The following LRRK1 variants were observed in gnomAD, a reference collection of about 807,000 sequenced individuals.
LRRK1 encodes leucine rich repeat kinase 1, also known as leucine-rich repeat serine/threonine-protein kinase 1.
A neutral mutation model predicts 209.1 loss-of-function variants in LRRK1; 113 were observed. The ratio of observed to expected loss-of-function variants is 0.54; its 90% CI spans 0.46 to 0.63. The LOEUF (loss-of-function observed/expected upper bound fraction) is 0.63, where lower values mean the gene tolerates loss of function less well. Ranked by LOEUF, LRRK1 falls within the 30% of genes least tolerant of loss-of-function variation. The pLI is 0.00. For synonymous variants in LRRK1, 1,144 were observed against 1,099.7 expected, an observed-to-expected ratio of 1.04 and a Z score of -0.80; for missense variants, 2,284 against 2,632.2, an observed-to-expected ratio of 0.87 and a Z score of 2.89.
At chr15:100,942,182 G>A (rs988779669) in intron 2 of LRRK1, among the ~76,000 whole-genome samples, 1 of 152,194 alleles carries the variant, frequency 6.6e-6, no homozygotes, top group Non-Finnish European at 1.5e-5. Context: ...GAAATACTGA[G>A]TGAGAATGTC....
chr15:101,060,038 G>T (rs1377028113), intron 29 of LRRK1, among the ~76,000 whole-genome samples: 10 of 152,238 alleles, frequency 6.6e-5, no homozygotes, highest in Non-Finnish European at 1.2e-4. Context: ...ACTCATCCCA[G>T]AGGGAAGACA....
intron 2 of LRRK1, among the ~76,000 whole-genome samples, chr15:100,961,525 T>C (rs8035248): frequency 0.27 from 40,888 of 151,730 alleles, 5,732 homozygotes; most frequent in East Asian, 0.51. Context: ...TGGTGGTGCG[T>C]GCCTGTAATC....
intron 2 of LRRK1, among the ~76,000 whole-genome samples, chr15:100,937,164 G>A (rs565231237): frequency 3.3e-5 from 5 of 152,154 alleles, no homozygotes; most frequent in Admixed American, 1.3e-4. Flanking sequence ...CTAGATTTTC[G>A]AATATTTTAG....
At position 100,973,946 on chromosome 15, in the gene LRRK1, G is replaced by C; in HGVS notation, c.240G>C (p.Gln80His). Residue 80 changes from glutamine (Q) to histidine (H), a missense_variant, in exon 3 of 34, where the codon CAG becomes CAC. Physicochemically the swap from Gln to His is conservative, Grantham distance 24. Coordinates refer to ENST00000388948, the MANE Select transcript of LRRK1 (RefSeq NM_024652.6). Reference sequence around the variant, plus strand: ...ACCTGCTGGAGGAGGCCTGCGACCAGTGCGCGTCCCAGCTGGAAAAGGTAG... The same window carrying C: ...ACCTGCTGGAGGAGGCCTGCGACCACTGCGCGTCCCAGCTGGAAAAGGTAG... ...ARDLLEEACD[Q>H]CASQLEKGQL... The C allele has an allele frequency of 8.0e-7, 1 of 1,252,660 alleles. No individual in the cohort carries two copies. Among genetic ancestry groups the C allele is most frequent in the Non-Finnish European group, 1.0e-6 (1 of 993,030 alleles). 77.6% of individuals were successfully genotyped at this position (1,252,660 alleles called of 1,614,324 possible).
At chr15:101,050,620 T>G (rs1318420057) in intron 23 of LRRK1, 1 of 152,888 alleles carries the variant, frequency 6.5e-6, no homozygotes, top group Admixed American at 6.5e-5. Context: ...CCCGGCCTCC[T>G]GGGCCGGCCT....
At chr15:101,040,693 C>T (rs1340384155) in intron 20 of LRRK1, among the ~76,000 whole-genome samples, 2 of 152,128 alleles carry the variant, frequency 1.3e-5, no homozygotes, top group Non-Finnish European at 2.9e-5. Context: ...ACAAATACAA[C>T]TAATTTTGCT....
Position 101,029,065 on chromosome 15 carries a change from G to A in LRRK1, c.2796G>A (p.Gln932=), listed in dbSNP as rs1377497872. 1.9e-6 allele frequency: 3 copies of A among 1,614,198 alleles called. No individual in the cohort carries two copies. Among genetic ancestry groups the A allele is most frequent in the Non-Finnish European group, 2.5e-6 (3 of 1,180,040 alleles). Residue 932 remains glutamine, a synonymous_variant, in exon 20 of 34, where the codon CAG becomes CAA. Coordinates refer to ENST00000388948, the MANE Select transcript of LRRK1 (RefSeq NM_024652.6). ...CTATTTGGCTCTCCGAATGTCTGCAGAGGATCTTTAATATTAAGGGCTCTC... is the reference window on the plus strand; with the variant it reads ...CTATTTGGCTCTCCGAATGTCTGCAAAGGATCTTTAATATTAAGGGCTCTC... The part of the protein sequence containing the change: ...LDPIWLSECL[Q]RIFNIKGSRS...
chr15:100,922,745 C>T (rs150838532), intron 1 of LRRK1, among the ~76,000 whole-genome samples: 1 of 152,160 alleles, frequency 6.6e-6, no homozygotes, highest in Non-Finnish European at 1.5e-5. Flanking sequence ...CCAGATTGAT[C>T]GTTTTTCCTT....
At chr15:100,958,951 T>A (rs899125880) in intron 2 of LRRK1, among the ~76,000 whole-genome samples, 1 of 152,206 alleles carries the variant, frequency 6.6e-6, no homozygotes, top group Non-Finnish European at 1.5e-5. Context: ...AGGTCTCAGA[T>A]ACTTTTATGA....
chr15:101,001,920 A>G (rs2032710908), intron 6 of LRRK1, among the ~76,000 whole-genome samples: 1 of 152,190 alleles, frequency 6.6e-6, no homozygotes, highest in South Asian at 2.1e-4. Flanking sequence ...AGGAGCTAAC[A>G]TTACAACGTC....
In LRRK1 at chr15:100,983,177, A is replaced by T. The variant is rs184094266; in HGVS notation, c.262-351A>T. Among the ~76,000 whole-genome samples, 10 of 152,368 alleles carry T rather than the reference A, an allele frequency of 6.6e-5. No homozygotes were observed. In the East Asian group the frequency reaches 1.2e-3, roughly 18 times the overall value. ...GTAACAGAGAGAGACCCTGTCAAAA[A>T]AAATAAATAAAATAAAGGAGCAAAC... On this transcript the variant is annotated intron_variant, in intron 3 of 33. Transcript: ENST00000388948.
At position 100,988,559 on chromosome 15, in the gene LRRK1, C is replaced by A. The variant is rs905349109; in HGVS notation, c.434-75C>A. 3 of 1,403,480 alleles carry A rather than the reference C, an allele frequency of 2.1e-6. No individual in the cohort carries two copies. The African/African-American group carries it at 4.2e-5, about 20-fold the overall frequency. The allele number at this position is 1,403,480 out of a possible 1,614,324, so 86.9% of individuals were successfully genotyped here. On this transcript the variant is annotated intron_variant, in intron 4 of 33. Transcript: ENST00000388948. ...TAACCAGTCCATTGCTACTAGCGGT[C>A]TAAGGGAAGAGCAGAGTGGGAACAA...
At position 100,933,765 on chromosome 15, in the gene LRRK1, T is replaced by A. The variant is rs1246403287; in HGVS notation, c.97+9036T>A. Among the ~76,000 whole-genome samples the A allele has an allele frequency of 7.2e-5, 9 of 125,712 alleles. No homozygotes were observed. The Admixed American group carries it at 1.0e-3, about 14-fold the overall frequency. 82.5% of individuals were successfully genotyped at this position (125,712 alleles called of 152,430 possible). Reference sequence around the variant, plus strand: ...TGAACCTGGGAAGCAGAGGTTGCAGTGAGCTGAGATCACACCACTCCACTC... The same window carrying A: ...TGAACCTGGGAAGCAGAGGTTGCAGAGAGCTGAGATCACACCACTCCACTC... On this transcript the variant is annotated intron_variant, in intron 2 of 33. Transcript: ENST00000388948.
At chr15:100,993,196 T>C (rs377053005) in intron 6 of LRRK1, among the ~76,000 whole-genome samples, 9 of 152,362 alleles carry the variant, frequency 5.9e-5, no homozygotes, top group Admixed American at 3.3e-4. Context: ...AAACGCCTAA[T>C]AGATGTTACC....
At chr15:101,066,836 C>G (rs2036557176) in intron 33 of LRRK1, 95 bp downstream of exon 33, 6 of 1,082,726 alleles carry the variant, frequency 5.5e-6, no homozygotes, top group Non-Finnish European at 8.3e-6. Context: ...TGCTGCCCTT[C>G]CATTCTCCCA....
chr15:100,998,393 G>T (rs74766417), intron 6 of LRRK1, among the ~76,000 whole-genome samples: 7,025 of 152,154 alleles, frequency 0.046, 209 homozygotes, highest in Middle Eastern at 0.075. Flanking sequence ...TAACCCTCAG[G>T]CCTGGTCACT....
intron 6 of LRRK1, among the ~76,000 whole-genome samples, chr15:100,991,057 AG>A (rs1461847855): frequency 1.3e-5 from 2 of 152,206 alleles, no homozygotes; most frequent in East Asian, 3.8e-4. Flanking sequence ...TATCTCTTCC[AG>A]ATAGCCAGCT....
intron 2 of LRRK1, among the ~76,000 whole-genome samples, chr15:100,941,852 C>G (rs1318081086): frequency 2.0e-5 from 3 of 152,118 alleles, no homozygotes; most frequent in African/African-American, 7.2e-5. Flanking sequence ...CTGGCACAAG[C>G]TGGAGAGGGG....
At chr15:101,025,055 A>G (rs2033962379) in intron 16 of LRRK1, 88 bp downstream of exon 16, 4 of 1,302,472 alleles carry the variant, frequency 3.1e-6, no homozygotes, top group Non-Finnish European at 4.2e-6. Context: ...CTGTACTGAG[A>G]AAAAAAGGGG....
Sources: allele counts gnomAD v4.1 joint callset (sites outside exome capture counted in the v4.1 genomes callset), GRCh38; gene constraint gnomAD v4.1.1; transcripts MANE v1.5; gene names NCBI Gene and HGNC (gene_info 2026-07-23, HGNC 2026-07-21).